Variants in LRRC8D observed in about 807,000 individuals in gnomAD.
The protein encoded by LRRC8D is leucine rich repeat containing 8 VRAC subunit D, also known as volume-regulated anion channel subunit LRRC8D.
LRRC8D carries 20 observed loss-of-function variants against 55.8 expected under a neutral mutation model. That is an observed-to-expected ratio of 0.36 (90% confidence interval 0.25 to 0.52). The LOEUF is 0.52. LRRC8D is among the 20% of genes least tolerant of loss of function. The probability of loss-of-function intolerance (pLI) is 0.93; values close to 1 mark genes in which losing one functional copy is unlikely to be tolerated. For synonymous variants in LRRC8D, 352 were observed against 377.0 expected (o/e 0.93, Z 0.77); for missense variants, 651 against 1,030.8 (o/e 0.63, Z 5.05).
At chr1:89,880,656 A>G in intron 2 of LRRC8D, among the ~76,000 whole-genome samples, 1 of 151,592 alleles carries the variant, frequency 6.6e-6, no homozygotes, top group East Asian at 1.9e-4. Flanking sequence ...TAAAGCAGCA[A>G]CTCTTGCCCA....
chr1:89,872,749 C>T (rs1323070510), intron 2 of LRRC8D, among the ~76,000 whole-genome samples: 8 of 152,136 alleles, frequency 5.3e-5, no homozygotes, highest in Admixed American at 3.9e-4. Context: ...TTTGCCCCTC[C>T]CCTCTTAGAT....
chr1:89,851,267 G>A (rs1226924828), intron 2 of LRRC8D, among the ~76,000 whole-genome samples: 1 of 152,042 alleles, frequency 6.6e-6, no homozygotes, highest in Non-Finnish European at 1.5e-5. Context: ...GATGCTTACT[G>A]ACTGCATGGG....
chr1:89,883,785 G>A (rs566597680), intron 2 of LRRC8D, among the ~76,000 whole-genome samples: 26 of 152,310 alleles, frequency 1.7e-4, no homozygotes, highest in East Asian at 5.8e-4. Flanking sequence ...AGCACTGAAC[G>A]TTCGTCTCTT....
In LRRC8D at chr1:89,850,575, A is replaced by G. The variant is rs188778142; in HGVS notation, c.-3+6793A>G. On this transcript the variant is annotated intron_variant, in intron 2 of 2. Transcript: ENST00000337338. The stretch of plus-strand genomic sequence containing the variant: ...GCAAAGGATAATGGCCTCCCACTCC[A>G]TGCAAGTCCCTGCAAAGCACATGAT... Among the ~76,000 whole-genome samples, 16 of 152,324 alleles carry G rather than the reference A, an allele frequency of 1.1e-4. No individual in the cohort carries two copies. The East Asian group carries it at 3.1e-3, about 29-fold the overall frequency.
chr1:89,899,923 G>A (rs868784810), intron 2 of LRRC8D, among the ~76,000 whole-genome samples: 1 of 152,178 alleles, frequency 6.6e-6, no homozygotes, highest in Non-Finnish European at 1.5e-5. Context: ...TTACAACTAT[G>A]TATTTATTGC....
chr1:89,893,039 G>T (rs760910798), intron 2 of LRRC8D, among the ~76,000 whole-genome samples: 73 of 152,142 alleles, frequency 4.8e-4, no homozygotes, highest in Non-Finnish European at 7.6e-4. Context: ...TAGGTGCTGA[G>T]AATAGAGTGT....
At chr1:89,865,682 A>C (rs550041171) in intron 2 of LRRC8D, among the ~76,000 whole-genome samples, 19 of 152,330 alleles carry the variant, frequency 1.2e-4, no homozygotes, top group African/African-American at 3.4e-4. Context: ...TAAATCTGCC[A>C]GTGAATAGTT....
chr1:89,874,443 T>TTGTGTGTGTG (rs36202085), intron 2 of LRRC8D, among the ~76,000 whole-genome samples: 1 of 146,296 alleles, frequency 6.8e-6, no homozygotes, highest in Non-Finnish European at 1.5e-5. Context: ...AAGAAACTAT[T>TTGTGTGTGTG]TGTGTGTGTG....
At chr1:89,826,510 C>T (rs1660767385) in intron 1 of LRRC8D, among the ~76,000 whole-genome samples, 1 of 152,140 alleles carries the variant, frequency 6.6e-6, no homozygotes, top group South Asian at 2.1e-4. Flanking sequence ...CCTCGGCCTC[C>T]CAAAGTGCTG....
At chr1:89,839,266 A>G (rs1570807861) in intron 1 of LRRC8D, among the ~76,000 whole-genome samples, 2 of 152,242 alleles carry the variant, frequency 1.3e-5, no homozygotes, top group South Asian at 4.1e-4. Flanking sequence ...GGTTTGTCCT[A>G]TGTAATGTTA....
intron 2 of LRRC8D, among the ~76,000 whole-genome samples, chr1:89,865,152 C>T (rs1218868611): frequency 1.3e-5 from 2 of 152,106 alleles, no homozygotes; most frequent in African/African-American, 4.8e-5. Flanking sequence ...ATACCCAGCA[C>T]ACAGTAGGAT....
At chr1:89,841,141 G>GGT (rs146519248) in intron 1 of LRRC8D, among the ~76,000 whole-genome samples, 2,016 of 152,290 alleles carry the variant, frequency 0.013, 31 homozygotes, top group African/African-American at 0.046. Flanking sequence ...GAAGGAAAAA[G>GGT]GTGAACAGAG....
At chr1:89,851,337 C>T (rs556697978) in intron 2 of LRRC8D, among the ~76,000 whole-genome samples, 2 of 152,246 alleles carry the variant, frequency 1.3e-5, no homozygotes, top group African/African-American at 4.8e-5. Flanking sequence ...ACAACTTTGT[C>T]AGTTTCAGCT....
intron 2 of LRRC8D, among the ~76,000 whole-genome samples, chr1:89,857,016 C>T (rs12116887): frequency 0.058 from 8,860 of 151,854 alleles, 288 homozygotes; most frequent in Middle Eastern, 0.15. Flanking sequence ...TTTCTTAAAA[C>T]AAAAAAATAC....
chr1:89,893,629 A>G (rs1662632275), intron 2 of LRRC8D, among the ~76,000 whole-genome samples: 1 of 152,194 alleles, frequency 6.6e-6, no homozygotes, highest in Non-Finnish European at 1.5e-5. Context: ...ACCCATCTAT[A>G]TTGTAATGGG....
intron 2 of LRRC8D, among the ~76,000 whole-genome samples, chr1:89,916,182 AT>A (rs1241925109): frequency 6.6e-6 from 1 of 152,212 alleles, no homozygotes; most frequent in Non-Finnish European, 1.5e-5. Flanking sequence ...AGTTAAGATA[AT>A]TTGGGGAAAG....
chr1:89,910,852 G>A (rs1663117395), intron 2 of LRRC8D, among the ~76,000 whole-genome samples: 1 of 152,116 alleles, frequency 6.6e-6, no homozygotes, highest in Non-Finnish European at 1.5e-5. Context: ...ATTAGCAGTA[G>A]CCTCAGTGTT....
intron 2 of LRRC8D, among the ~76,000 whole-genome samples, chr1:89,870,774 T>C (rs540547953): frequency 7.9e-5 from 12 of 152,248 alleles, no homozygotes; most frequent in African/African-American, 2.9e-4. Flanking sequence ...AGATAGAACT[T>C]TAAGGAAAAC....
chr1:89,895,243 A>G (rs1241641622), intron 2 of LRRC8D, among the ~76,000 whole-genome samples: 1 of 152,220 alleles, frequency 6.6e-6, no homozygotes, highest in Non-Finnish European at 1.5e-5. Flanking sequence ...CATATAATAT[A>G]TTATGAAGTC....
Sources: allele counts gnomAD v4.1 joint callset (sites outside exome capture counted in the v4.1 genomes callset), GRCh38; gene constraint gnomAD v4.1.1; transcripts MANE v1.5; gene names NCBI Gene and HGNC (gene_info 2026-07-23, HGNC 2026-07-21).